VPS45: variants seen among roughly 807,000 people sequenced by gnomAD.
The protein encoded by VPS45 is vacuolar protein sorting 45 homolog, also known as vacuolar protein sorting-associated protein 45.
VPS45 carries 35 observed loss-of-function variants against 75.9 expected under a neutral mutation model. The observed-to-expected ratio is 0.46, with a 90% confidence interval of 0.35 to 0.61. The LOEUF (loss-of-function observed/expected upper bound fraction) is 0.61. VPS45 is among the 20% of genes least tolerant of loss of function. The pLI is 0.00. For missense variants in VPS45, 559 were observed against 685.9 expected, an observed-to-expected ratio of 0.81 and a Z score of 2.07; for synonymous variants, 220 against 238.2, an observed-to-expected ratio of 0.92 and a Z score of 0.70.
chr1:150,107,059 T>C (rs1657366918), intron 13 of VPS45, among the ~76,000 whole-genome samples: 1 of 152,198 alleles, frequency 6.6e-6, no homozygotes, highest in Non-Finnish European at 1.5e-5. Flanking sequence ...AATGTCCTTC[T>C]CAGTTGCTAA....
intron 13 of VPS45, among the ~76,000 whole-genome samples, chr1:150,099,543 T>C (rs1287855221): frequency 6.6e-6 from 1 of 150,950 alleles, no homozygotes; most frequent in Non-Finnish European, 1.5e-5. Context: ...AACTTGGTAT[T>C]GAAGGAACAT....
At chr1:150,079,914 A>G (rs1213049426) in intron 7 of VPS45, among the ~76,000 whole-genome samples, 1 of 152,182 alleles carries the variant, frequency 6.6e-6, no homozygotes, top group Non-Finnish European at 1.5e-5. Flanking sequence ...TTAATTGCCT[A>G]TTATTCTGTC....
chr1:150,129,056 G>A (rs1553811597), intron 14 of VPS45, among the ~76,000 whole-genome samples: 1 of 152,154 alleles, frequency 6.6e-6, no homozygotes, highest in African/African-American at 2.4e-5. Flanking sequence ...TTTTCCTCCA[G>A]TGACCAAAGG....
At position 150,076,294 on chromosome 1, in the gene VPS45, A is replaced by G; in HGVS notation, c.351A>G (p.Glu117=). 6.2e-7 allele frequency: 1 copy of G among 1,607,742 alleles called. No individual in the cohort carries two copies. Among genetic ancestry groups the G allele is most frequent in the South Asian group, 1.1e-5 (1 of 90,620 alleles). Residue 117 remains glutamate, a synonymous_variant, in exon 4 of 15, where the codon GAA becomes GAG. Coordinates refer to ENST00000644510, the MANE Select transcript of VPS45 (RefSeq NM_007259.5). ...VKSLAEADEQ[E]VVAEVQEFYG... is the part of the protein sequence containing the mutation. ...CATTGGCTGAAGCTGATGAACAGGAAGTTGTGGCTGAGGTTCAGGTAAACA... is the reference window on the plus strand; with the variant it reads ...CATTGGCTGAAGCTGATGAACAGGAGGTTGTGGCTGAGGTTCAGGTAAACA...
At chr1:150,108,425 TAATTTA>T (rs1272822184) in intron 13 of VPS45, among the ~76,000 whole-genome samples, 4 of 152,204 alleles carry the variant, frequency 2.6e-5, no homozygotes, top group Non-Finnish European at 4.4e-5. Context: ...TTATTTTGGT[TAATTTA>T]AATTTAAATA....
At position 150,069,543 on chromosome 1, in the gene VPS45, G is replaced by T. The variant is rs868911491; in HGVS notation, c.228+779G>T. 1.7e-3 allele frequency among the ~76,000 whole-genome samples: 249 copies of T among 142,610 alleles called. 1 individual carries two copies. The highest frequency in any genetic ancestry group is 6.2e-3 in the African/African-American group (236 of 38,220). The allele number at this position is 142,610 out of a possible 152,430, so 93.6% of individuals were successfully genotyped here. On this transcript the variant is annotated intron_variant, in intron 2 of 14. Coordinates refer to ENST00000644510, the MANE Select transcript of VPS45 (RefSeq NM_007259.5). ...GCAATCTCGGCTCACTGCAAGCTCC[G>T]CCTCCCGGGTTCACGCCATTCTCCT... is the stretch of plus-strand genomic sequence containing the variant.
At chr1:150,074,868 G>T (rs1205349886) in intron 3 of VPS45, among the ~76,000 whole-genome samples, 1 of 151,200 alleles carries the variant, frequency 6.6e-6, no homozygotes, top group Non-Finnish European at 1.5e-5. Flanking sequence ...ATTTCAGTAG[G>T]CATCTCTAAA....
chr1:150,092,547 T>C, intron 12 of VPS45, 138 bp downstream of exon 12: 2 of 658,968 alleles, frequency 3.0e-6, no homozygotes, highest in Non-Finnish European at 4.7e-6. Flanking sequence ...AAATTAAAAC[T>C]GGCATCCTCT....
At position 150,110,308 on chromosome 1, in the gene VPS45, G is replaced by T. The variant is rs1241227935; in HGVS notation, c.1494-188G>T. ...TAAACAGAAAGCAAATCACTATTCAGCATTTCCTGCTCTGTTTCCTGCCAA... is the reference window on the plus strand; with the variant it reads ...TAAACAGAAAGCAAATCACTATTCATCATTTCCTGCTCTGTTTCCTGCCAA... On this transcript the variant is annotated intron_variant, in intron 13 of 14. Coordinates refer to ENST00000644510, the MANE Select transcript of VPS45 (RefSeq NM_007259.5). 9.6e-6 allele frequency: 5 copies of T among 518,950 alleles called. No individual in the cohort carries two copies. The Admixed American group carries it at 1.4e-4, about 15-fold the overall frequency. 32.1% of individuals were successfully genotyped at this position (518,950 alleles called of 1,614,324 possible). A position where few individuals can be genotyped will look rare whatever the true frequency, so the allele number is the denominator to read the frequency against.
In VPS45 at chr1:150,093,573, C is replaced by G. The variant is rs1553802469; in HGVS notation, c.1418C>G (p.Thr473Ser). The stretch of plus-strand genomic sequence containing the variant: ...CAGCATCAACCTTTCCTACATGAAA[C>G]CCTGGATCATCTCATCAAAGGAAGG... The part of the protein sequence containing the change: ...YTQHQPFLHE[T>S]LDHLIKGRLK... The change falls in exon 13 of 15, where the codon ACC becomes AGC. Residue 473 changes from threonine (T) to serine (S), a missense_variant. Transcript: ENST00000644510. 6 of 1,613,800 alleles carry G rather than the reference C, an allele frequency of 3.7e-6. No homozygotes were observed. In the Admixed American group the frequency reaches 6.7e-5, roughly 18 times the overall value.
chr1:150,096,667 C>T (rs1472072351), intron 13 of VPS45, among the ~76,000 whole-genome samples: 4 of 152,218 alleles, frequency 2.6e-5, no homozygotes, highest in Non-Finnish European at 4.4e-5. Context: ...CAGGAGAAAA[C>T]GGTGCAGCTA....
chr1:150,121,535 C>T (rs1658231067), intron 14 of VPS45, among the ~76,000 whole-genome samples: 1 of 152,142 alleles, frequency 6.6e-6, no homozygotes, highest in South Asian at 2.1e-4. Flanking sequence ...CTTATTTCCT[C>T]CTCTTCATTT....
chr1:150,122,485 C>T (rs139887610), intron 14 of VPS45, among the ~76,000 whole-genome samples: 3 of 151,840 alleles, frequency 2.0e-5, no homozygotes, highest in East Asian at 3.9e-4. Context: ...AAATGCAGTG[C>T]GAGAGGCATC....
intron 14 of VPS45, among the ~76,000 whole-genome samples, chr1:150,138,095 C>G (rs1223084223): frequency 6.6e-6 from 1 of 152,090 alleles, no homozygotes; most frequent in East Asian, 1.9e-4. Flanking sequence ...CACATATTCT[C>G]TTAAATCCAC....
intron 14 of VPS45, among the ~76,000 whole-genome samples, chr1:150,134,804 G>A (rs1279021349): frequency 5.3e-5 from 8 of 152,094 alleles, no homozygotes; most frequent in African/African-American, 9.7e-5. Context: ...GTCCATAGAC[G>A]TGAGGTTTTT....
chr1:150,124,679 A>G (rs901303379), intron 14 of VPS45, among the ~76,000 whole-genome samples: 20 of 149,216 alleles, frequency 1.3e-4, no homozygotes, highest in African/African-American at 4.9e-4. Context: ...CCTCCCAAGT[A>G]GCTGGGACTA....
chr1:150,084,255 T>C (rs587600138), intron 10 of VPS45, among the ~76,000 whole-genome samples: 2 of 152,304 alleles, frequency 1.3e-5, no homozygotes, highest in South Asian at 4.1e-4. Context: ...AATTTATACC[T>C]GCTGAGATAA....
At chr1:150,075,283 T>C (rs1165399755) in intron 3 of VPS45, among the ~76,000 whole-genome samples, 1 of 152,094 alleles carries the variant, frequency 6.6e-6, no homozygotes, top group East Asian at 1.9e-4. Flanking sequence ...ATTTATTTAT[T>C]GAAGAAACTG....
At chr1:150,067,688 C>A, upstream of VPS45, 2 of 643,690 alleles carry the variant, frequency 3.1e-6, no homozygotes, top group African/African-American at 1.8e-5. Context: ...TAGGCTTGGT[C>A]CCCTGTACAC....
Sources: gnomAD v4.1 joint callset for allele counts (sites outside exome capture counted in the v4.1 genomes callset) on GRCh38, gnomAD v4.1.1 for gene constraint, MANE v1.5 for transcripts, NCBI Gene and HGNC (gene_info 2026-07-23, HGNC 2026-07-21) for gene names.